The following ASIC4 variants were observed in gnomAD, a reference collection of about 807,000 sequenced individuals.
ASIC4 encodes acid-sensing ion channel 4.
ASIC4 carries 28 observed loss-of-function variants against 53.4 expected under a neutral mutation model. That is an observed-to-expected ratio of 0.52 (90% CI 0.39 to 0.72). ASIC4 has a LOEUF of 0.72. Ranked by LOEUF, ASIC4 falls within the 30% of genes least tolerant of loss-of-function variation. The probability of loss-of-function intolerance (pLI) is 0.00; values close to 1 mark genes in which losing one functional copy is unlikely to be tolerated. For synonymous variants in ASIC4, 289 were observed against 301.4 expected, an observed-to-expected ratio of 0.96 and a Z score of 0.43; for missense variants, 649 against 729.7, an observed-to-expected ratio of 0.89 and a Z score of 1.27.
intron 6 of ASIC4, among the ~76,000 whole-genome samples, chr2:219,535,740 G>C (rs1695126430): frequency 6.6e-6 from 1 of 151,730 alleles, no homozygotes; most frequent in Non-Finnish European, 1.5e-5. Flanking sequence ...TCTTCTACCG[G>C]GAATGCCCTT....
intron 1 of ASIC4, among the ~76,000 whole-genome samples, chr2:219,520,306 C>A (rs1694864947): frequency 6.6e-6 from 1 of 152,172 alleles, no homozygotes; most frequent in Non-Finnish European, 1.5e-5. Context: ...CCTCTCTCCT[C>A]TCCCTGCCCC....
At chr2:219,523,184 G>T (rs1173487133) in intron 1 of ASIC4, among the ~76,000 whole-genome samples, 1 of 152,236 alleles carries the variant, frequency 6.6e-6, no homozygotes, top group African/African-American at 2.4e-5. Context: ...GCATCGAGGG[G>T]CGGGAATGTC....
At chr2:219,525,001 C>T (rs1156962581) in intron 1 of ASIC4, among the ~76,000 whole-genome samples, 1 of 152,222 alleles carries the variant, frequency 6.6e-6, no homozygotes, top group Non-Finnish European at 1.5e-5. Flanking sequence ...GAGGAATTAC[C>T]ATTCCCCTTT....
intron 1 of ASIC4, among the ~76,000 whole-genome samples, chr2:219,523,846 G>T (rs1418856249): frequency 6.6e-6 from 1 of 151,452 alleles, no homozygotes; most frequent in Non-Finnish European, 1.5e-5. Context: ...TTTGAGACAG[G>T]GTCACGCTCT....
chr2:219,532,996 C>A, intron 5 of ASIC4, 57 bp downstream of exon 5: 1 of 1,530,842 alleles, frequency 6.5e-7, no homozygotes, highest in Non-Finnish European at 9.0e-7. Flanking sequence ...TCTCTGTCCA[C>A]TCTTCTCCTC....
chr2:219,515,632 C>T (rs113069317), intron 1 of ASIC4, among the ~76,000 whole-genome samples: 31 of 152,216 alleles, frequency 2.0e-4, no homozygotes, highest in African/African-American at 6.0e-4. Flanking sequence ...TTGCAGGGAA[C>T]GCACGCACCA....
chr2:219,533,098 G>A (rs1244855291), intron 5 of ASIC4, 159 bp downstream of exon 5: 2 of 778,496 alleles, frequency 2.6e-6, no homozygotes, highest in African/African-American at 1.7e-5. Flanking sequence ...TTGGGGAGAG[G>A]TCTGCGGACC....
Position 219,531,847 on chromosome 2 carries a change from G to A in ASIC4, c.672G>A (p.Leu224=). ...GGGCAGGGGGCATGGGCAGTGGCCTGGAGATCATGCTGGACATCCAGCAGG... is the reference window on the plus strand; with the variant it reads ...GGGCAGGGGGCATGGGCAGTGGCCTAGAGATCATGCTGGACATCCAGCAGG... The part of the protein sequence containing the change: ...PSRAGGMGSG[L]EIMLDIQQEE... The change falls in exon 2 of 10, where the codon CTG becomes CTA. Residue 224 remains leucine, a synonymous_variant. Coordinates refer to ENST00000358078, the MANE Select transcript of ASIC4 (RefSeq NM_018674.6). 4 of 1,613,812 alleles carry A rather than the reference G, an allele frequency of 2.5e-6. No homozygotes were observed. Among genetic ancestry groups the A allele is most frequent in the Non-Finnish European group, 3.4e-6 (4 of 1,179,872 alleles).
At chr2:219,510,006 G>C (rs1217555996), upstream of ASIC4, among the ~76,000 whole-genome samples, 1 of 151,880 alleles carries the variant, frequency 6.6e-6, no homozygotes, top group Admixed American at 6.6e-5. The surrounding 1 kb of genome is among the most constrained non-coding windows in gnomAD (Gnocchi z 5.2). Context: ...GGGGGGCGGG[G>C]GCTCTGTCAA....
intron 4 of ASIC4, 65 bp downstream of exon 4, chr2:219,532,542 A>G (rs770946657): frequency 1.3e-6 from 2 of 1,565,590 alleles, no homozygotes; most frequent in Non-Finnish European, 1.7e-6. Context: ...CTCCCGGGGC[A>G]AGGCACTGCT....
At position 219,535,247 on chromosome 2, in the gene ASIC4, C is replaced by G. The variant is rs752996634; in HGVS notation, c.1152C>G (p.Ile384Met). ...ACCTGACACGCTATGGGAAAGAGAT[C>G]TCCATGGTCAGGATCCCCAACAGGG... Reference protein sequence around the residue: ...PCNLTRYGKEISMVRIPNRGS... With the variant: ...PCNLTRYGKEMSMVRIPNRGS... The change falls in exon 6 of 10, where the codon ATC becomes ATG. Residue 384 changes from isoleucine (I) to methionine (M), a missense_variant. Transcript: ENST00000358078. The G allele has an allele frequency of 2.5e-6, 4 of 1,614,052 alleles. No individual in the cohort carries two copies. In the East Asian group the frequency reaches 8.9e-5, roughly 36 times the overall value.
chr2:219,514,106 A>G, upstream of ASIC4: 1 of 540,932 alleles, frequency 1.8e-6, no homozygotes, highest in Non-Finnish European at 3.2e-6. Flanking sequence ...GTGGCAAAGA[A>G]TGAGCTGAGG....
chr2:219,521,125 A>G (rs1232564496), intron 1 of ASIC4, among the ~76,000 whole-genome samples: 1 of 151,942 alleles, frequency 6.6e-6, no homozygotes, highest in Non-Finnish European at 1.5e-5. Context: ...TGGGCAGTGG[A>G]GTGGGTGGAG....
In ASIC4 at chr2:219,537,582, C is replaced by T. The variant is rs1200114657; in HGVS notation, c.1402-50C>T. On this transcript the variant is annotated intron_variant, in intron 8 of 9. Transcript: ENST00000358078. The surrounding 1 kb of genome is among the most constrained non-coding windows in gnomAD (Gnocchi z 4.9). The stretch of plus-strand genomic sequence containing the variant: ...GGGCATGGTAAGGCTCACGCTTCTC[C>T]TCAACCAAATTTCCTGAGCCCACTG... 3.3e-6 allele frequency: 5 copies of T among 1,535,454 alleles called. No homozygotes were observed. Among genetic ancestry groups the T allele is most frequent in the Non-Finnish European group, 4.4e-6 (5 of 1,127,146 alleles).
intron 1 of ASIC4, among the ~76,000 whole-genome samples, chr2:219,529,592 G>A (rs920089660): frequency 6.6e-6 from 1 of 152,274 alleles, no homozygotes; most frequent in South Asian, 2.1e-4. Flanking sequence ...GGGGGTGCCA[G>A]CAATGGTTTG....
chr2:219,523,107 C>T (rs184259250), intron 1 of ASIC4, among the ~76,000 whole-genome samples: 18 of 151,462 alleles, frequency 1.2e-4, no homozygotes, highest in African/African-American at 4.4e-4. Flanking sequence ...TGTCTTGTCT[C>T]CTGAACTCCC....
At chr2:219,521,707 G>T (rs1380304723) in intron 1 of ASIC4, among the ~76,000 whole-genome samples, 1 of 126,476 alleles carries the variant, frequency 7.9e-6, no homozygotes, top group African/African-American at 3.5e-5. Context: ...ACAGAGGCCG[G>T]CCTCAGGCTG....
chr2:219,510,570 CT>C (rs1306142941), upstream of ASIC4, among the ~76,000 whole-genome samples: 1 of 152,216 alleles, frequency 6.6e-6, no homozygotes, highest in Non-Finnish European at 1.5e-5. This position sits in a 1 kb window ranked among gnomAD's most constrained non-coding sequence, Gnocchi z 5.2. Flanking sequence ...CCTGCCCTCC[CT>C]TTCCTGGTGT....
chr2:219,532,191 G>A (rs1238375565), intron 3 of ASIC4, 63 bp downstream of exon 3: 1 of 1,607,534 alleles, frequency 6.2e-7, no homozygotes, highest in Non-Finnish European at 8.5e-7. Flanking sequence ...CAGAGGGGAT[G>A]TGGAGCAAAC....
Sources: allele counts gnomAD v4.1 joint callset (sites outside exome capture counted in the v4.1 genomes callset), GRCh38; gene constraint gnomAD v4.1.1; non-coding constraint Gnocchi (gnomAD v3.1); transcripts MANE v1.5; gene names NCBI Gene and HGNC (gene_info 2026-07-23, HGNC 2026-07-21).